The following STAU2 variants were observed in gnomAD, a reference collection of about 807,000 sequenced individuals.
The protein encoded by STAU2 is double-stranded RNA-binding protein Staufen homolog 2.
In STAU2, 20 loss-of-function variants were observed where a neutral mutation model predicts 65.9. The observed-to-expected ratio is 0.30, with a 90% CI of 0.21 to 0.44. The LOEUF is 0.44. Ranked by LOEUF, STAU2 falls within the 20% of genes least tolerant of loss-of-function variation. The pLI is 1.00. For synonymous variants in STAU2, 232 were observed against 233.9 expected (o/e 0.99, Z 0.07); for missense variants, 558 against 683.9 (o/e 0.82, Z 2.05).
At chr8:73,667,320 ACT>A (rs1309382468) in intron 6 of STAU2, among the ~76,000 whole-genome samples, 1 of 152,032 alleles carries the variant, frequency 6.6e-6, no homozygotes, top group Non-Finnish European at 1.5e-5. Context: ...TCCTTCAATG[ACT>A]CCCAATCACC....
chr8:73,471,171 CTCTT>C (rs1436260450), intron 13 of STAU2, among the ~76,000 whole-genome samples: 3 of 123,968 alleles, frequency 2.4e-5, no homozygotes, highest in Non-Finnish European at 5.3e-5. Context: ...TTCTAATTCT[CTCTT>C]TTTTTTTTTT....
chr8:73,603,981 A>G (rs1236957348), intron 9 of STAU2, 118 bp from the exon 10 acceptor site: 6 of 1,083,910 alleles, frequency 5.5e-6, no homozygotes, highest in Non-Finnish European at 7.6e-6. Context: ...ACTAGAAAAG[A>G]TAAATGAGTC....
At chr8:73,445,956 C>A (rs1161025713) in intron 13 of STAU2, among the ~76,000 whole-genome samples, 1 of 152,150 alleles carries the variant, frequency 6.6e-6, no homozygotes, top group African/African-American at 2.4e-5. Context: ...TACCATACAA[C>A]CTAGCTATCA....
chr8:73,611,112 T>C (rs1216103947), intron 9 of STAU2, among the ~76,000 whole-genome samples: 19 of 152,194 alleles, frequency 1.2e-4, no homozygotes, highest in Admixed American at 1.2e-3. Context: ...TAACAAACTA[T>C]AGACCCTCAA....
chr8:73,538,331 G>C (rs1452266198), intron 13 of STAU2, among the ~76,000 whole-genome samples: 1 of 151,984 alleles, frequency 6.6e-6, no homozygotes, highest in East Asian at 1.9e-4. Flanking sequence ...CCCTTTTTAA[G>C]GGCCATTTAC....
chr8:73,603,816 C>T lies in STAU2; in HGVS notation c.939G>A (p.Ala313=), dbSNP rs767035987. 1.4e-5 allele frequency: 23 copies of T among 1,611,842 alleles called. No individual in the cohort carries two copies. Among genetic ancestry groups the T allele is most frequent in the Middle Eastern group, 2.1e-4 (1 of 4,672 alleles). ...GQGMNPISRL[A]QIQQAKKEKE... is the part of the protein sequence containing the mutation. ...TTTCCTTTTTGGCCTGTTGAATTTG[C>T]GCCAGGCGGCTAATAGGGTTCATCC... The change falls in exon 10 of 15, where the codon GCG becomes GCA. Residue 313 remains alanine, a synonymous_variant. Transcript: ENST00000524300.
intron 13 of STAU2, among the ~76,000 whole-genome samples, chr8:73,470,832 G>C (rs1050857679): frequency 6.6e-6 from 1 of 151,922 alleles, no homozygotes; most frequent in African/African-American, 2.4e-5. Flanking sequence ...TTAAATAATA[G>C]AGATAGTGGC....
intron 13 of STAU2, among the ~76,000 whole-genome samples, chr8:73,473,198 C>A (rs552909770): frequency 5.9e-5 from 9 of 152,178 alleles, no homozygotes; most frequent in African/African-American, 2.2e-4. Flanking sequence ...CAGGCTGACC[C>A]GGCTTCAGAT....
At chr8:73,550,309 A>G in intron 13 of STAU2, 1 of 983,646 alleles carries the variant, frequency 1.0e-6, no homozygotes, top group South Asian at 4.7e-5. Context: ...CAGACTCTAC[A>G]TGTTGACTAC....
At chr8:73,573,614 C>G (rs958730290) in intron 12 of STAU2, among the ~76,000 whole-genome samples, 2 of 152,208 alleles carry the variant, frequency 1.3e-5, no homozygotes, top group African/African-American at 4.8e-5. Flanking sequence ...TTATAACCAT[C>G]TGATCTTTGA....
intron 2 of STAU2, 46 bp downstream of exon 2, chr8:73,739,710 C>T: frequency 6.9e-7 from 1 of 1,446,294 alleles, no homozygotes; most frequent in East Asian, 2.5e-5. Context: ...AGCACACGGC[C>T]TGGATATTGG....
intron 13 of STAU2, among the ~76,000 whole-genome samples, chr8:73,509,147 G>A (rs991285077): frequency 3.3e-5 from 5 of 151,988 alleles, no homozygotes; most frequent in Admixed American, 6.6e-5. Flanking sequence ...TCTCCATATC[G>A]TCACCAACAT....
chr8:73,707,899 A>C (rs1048353578), intron 4 of STAU2, among the ~76,000 whole-genome samples: 1 of 152,258 alleles, frequency 6.6e-6, no homozygotes, highest in South Asian at 2.1e-4. Flanking sequence ...CTGAGTGCTC[A>C]ACAATGAGTA....
chr8:73,587,440 A>G (rs1295817839), intron 11 of STAU2, among the ~76,000 whole-genome samples: 1 of 152,218 alleles, frequency 6.6e-6, no homozygotes, highest in Admixed American at 6.5e-5. Context: ...ATAATGGTGA[A>G]GAGAAGAACC....
At chr8:73,632,024 A>C (rs1030397183) in intron 6 of STAU2, among the ~76,000 whole-genome samples, 3 of 151,698 alleles carry the variant, frequency 2.0e-5, no homozygotes, top group Non-Finnish European at 2.9e-5. Context: ...GGGAGGGAGG[A>C]AGACAGAGGG....
At chr8:73,421,513 T>C in intron 14 of STAU2, 48 bp from the exon 15 acceptor site, 1 of 1,517,978 alleles carries the variant, frequency 6.6e-7, no homozygotes, top group Non-Finnish European at 8.9e-7. Flanking sequence ...GGGTTGCACA[T>C]CTTCAGACAT....
intron 6 of STAU2, among the ~76,000 whole-genome samples, chr8:73,650,986 C>T (rs1215596209): frequency 4.6e-5 from 7 of 152,340 alleles, no homozygotes; most frequent in African/African-American, 1.7e-4. Flanking sequence ...AATATTGGAT[C>T]CTGCCCCTGG....
chr8:73,524,803 GT>G (rs1823257655), intron 13 of STAU2, among the ~76,000 whole-genome samples: 1 of 152,122 alleles, frequency 6.6e-6, no homozygotes, highest in African/African-American at 2.4e-5. Context: ...GCTTTAAAAT[GT>G]TTCCCTATTT....
intron 13 of STAU2, among the ~76,000 whole-genome samples, chr8:73,518,345 T>C (rs887759442): frequency 6.6e-6 from 1 of 152,168 alleles, no homozygotes; most frequent in Admixed American, 6.5e-5. Context: ...GAAGGTGAAT[T>C]TTTAAGGCTT....
Sources: allele counts gnomAD v4.1 joint callset (sites outside exome capture counted in the v4.1 genomes callset), GRCh38; gene constraint gnomAD v4.1.1; transcripts MANE v1.5; gene names NCBI Gene and HGNC (gene_info 2026-07-23, HGNC 2026-07-21).